Variants in ACSBG2 observed in about 807,000 individuals in gnomAD.
ACSBG2 encodes acyl-CoA synthetase bubblegum family member 2.
ACSBG2 carries 62 observed loss-of-function variants against 74.7 expected under a neutral mutation model. That is an observed-to-expected ratio of 0.83 (90% CI 0.68 to 1.03). The LOEUF (loss-of-function observed/expected upper bound fraction) is 1.03. ACSBG2 is among the 50% of genes least tolerant of loss of function. The pLI is 0.00. For missense variants in ACSBG2, 730 were observed against 817.6 expected, an observed-to-expected ratio of 0.89 and a Z score of 1.31; for synonymous variants, 309 against 294.1, an observed-to-expected ratio of 1.05 and a Z score of -0.52.
intron 6 of ACSBG2, among the ~76,000 whole-genome samples, chr19:6,163,124 T>TACA (rs762201224): frequency 1.7e-3 from 39 of 22,906 alleles, no homozygotes; most frequent in African/African-American, 4.9e-3. Context: ...AAAATACAAA[T>TACA]AATAATAATA....
Position 6,141,027 on chromosome 19 carries a change from G to T in ACSBG2, c.-31-486G>T, listed in dbSNP as rs112436842. 2.6e-5 allele frequency among the ~76,000 whole-genome samples: 4 copies of T among 152,132 alleles called. 1 individual carries two copies. The highest frequency in any genetic ancestry group is 2.1e-4 in the South Asian group (1 of 4,830). ...GAAATCAAGCTTTTATACTTTGGAT[G>T]TATTGTCCACATCTTTCCCCAATTT... On this transcript the variant is annotated intron_variant, in intron 1 of 14. Transcript: ENST00000588485.
intron 7 of ACSBG2, among the ~76,000 whole-genome samples, chr19:6,173,034 C>A (rs548139870): frequency 3.9e-5 from 6 of 152,232 alleles, no homozygotes; most frequent in Admixed American, 6.5e-5. Context: ...TGGGAAATGA[C>A]CCCTTCTCCA....
chr19:6,141,677 A>G, intron 2 of ACSBG2, 67 bp downstream of exon 2: 1 of 1,056,480 alleles, frequency 9.5e-7, no homozygotes, highest in Non-Finnish European at 1.5e-6. Flanking sequence ...CTCTTTGCAG[A>G]GGAGTCTGGA....
intron 6 of ACSBG2, 44 bp downstream of exon 6, chr19:6,161,339 C>T: frequency 2.2e-5 from 35 of 1,583,668 alleles, no homozygotes; most frequent in Non-Finnish European, 3.0e-5. Flanking sequence ...AGGGCGGGGC[C>T]TTGCAAGAAA....
intron 13 of ACSBG2, 90 bp downstream of exon 13, chr19:6,187,935 G>C: frequency 6.5e-7 from 1 of 1,540,250 alleles, no homozygotes; most frequent in African/African-American, 1.4e-5. Flanking sequence ...CTGAAGGTCA[G>C]AGGGTCTATG....
At chr19:6,138,606 A>AGGG (rs2088681233) in intron 1 of ACSBG2, among the ~76,000 whole-genome samples, 1 of 125,644 alleles carries the variant, frequency 8.0e-6, no homozygotes, top group East Asian at 2.3e-4. Flanking sequence ...GAGAGGGAGG[A>AGGG]AGGAAGGAAG....
At chr19:6,156,659 T>C in intron 5 of ACSBG2, 108 bp downstream of exon 5, 1 of 1,253,812 alleles carries the variant, frequency 8.0e-7, no homozygotes, top group Non-Finnish European at 1.1e-6. Context: ...GATAGGGCCA[T>C]GCATCTGTTC....
chr19:6,168,019 G>A (rs2089861267), intron 7 of ACSBG2, among the ~76,000 whole-genome samples: 2 of 144,038 alleles, frequency 1.4e-5, no homozygotes, highest in Admixed American at 7.1e-5. Context: ...ACCAGAGAGT[G>A]CCTGTGAGCA....
chr19:6,153,535 G>A (rs991367942), intron 4 of ACSBG2, among the ~76,000 whole-genome samples: 11 of 151,962 alleles, frequency 7.2e-5, no homozygotes, highest in Non-Finnish European at 4.4e-5. Flanking sequence ...CAGCAGCCAC[G>A]GCCATGACAA....
chr19:6,137,798 C>CTG (rs2088642040), intron 1 of ACSBG2, among the ~76,000 whole-genome samples: 1 of 151,990 alleles, frequency 6.6e-6, no homozygotes, highest in African/African-American at 2.4e-5. Context: ...CAGGTGCCTG[C>CTG]CGCCGTGCCT....
At chr19:6,170,542 G>T (rs909197809) in intron 7 of ACSBG2, among the ~76,000 whole-genome samples, 7 of 152,252 alleles carry the variant, frequency 4.6e-5, no homozygotes, top group Middle Eastern at 3.4e-3. Context: ...CCATGTATTT[G>T]TGTGGTTTTG....
chr19:6,167,616 G>A (rs563235650), intron 7 of ACSBG2, among the ~76,000 whole-genome samples: 63 of 152,188 alleles, frequency 4.1e-4, no homozygotes, highest in African/African-American at 1.5e-3. Flanking sequence ...TTAGCTCAAG[G>A]CCTCTTAGAA....
chr19:6,192,807 C>A lies in ACSBG2; in HGVS notation c.*175C>A, dbSNP rs2278424. ...GTTGGAGAGGTGCTCCCTAGAAGAACCTGCCATACGTTTCAAAGCAATAAA... is the reference window on the plus strand; with the variant it reads ...GTTGGAGAGGTGCTCCCTAGAAGAAACTGCCATACGTTTCAAAGCAATAAA... On this transcript the variant is annotated 3_prime_UTR_variant, in exon 15 of 15. Coordinates refer to ENST00000588485, the MANE Select transcript of ACSBG2 (RefSeq NM_030924.5). 6.6e-6 allele frequency: 1 copy of A among 152,086 alleles called. No individual in the cohort carries two copies. Among genetic ancestry groups the A allele is most frequent in the Non-Finnish European group, 1.5e-5 (1 of 68,026 alleles). The allele number at this position is 152,086 out of a possible 1,614,324, so 9.4% of individuals were successfully genotyped here. A position where few individuals can be genotyped will look rare whatever the true frequency, so the allele number is the denominator to read the frequency against.
chr19:6,190,909 C>G lies in ACSBG2; in HGVS notation c.*35+217C>G, dbSNP rs2090548353. ...TTCAACTCATGCTGTCTCTACTCTACCAGGGTCATGGTAGGGTGTGTAAAC... is the reference window on the plus strand; with the variant it reads ...TTCAACTCATGCTGTCTCTACTCTAGCAGGGTCATGGTAGGGTGTGTAAAC... On this transcript the variant is annotated intron_variant, in intron 14 of 14. Coordinates refer to ENST00000588485, the MANE Select transcript of ACSBG2 (RefSeq NM_030924.5). 9.8e-6 allele frequency: 4 copies of G among 409,856 alleles called. No homozygotes were observed. In the East Asian group the frequency reaches 1.7e-4, roughly 18 times the overall value. 25.4% of individuals were successfully genotyped at this position (409,856 alleles called of 1,614,324 possible).
chr19:6,164,060 G>A (rs1568235445), intron 6 of ACSBG2, among the ~76,000 whole-genome samples: 2 of 152,252 alleles, frequency 1.3e-5, no homozygotes, highest in Non-Finnish European at 2.9e-5. Context: ...GGCCGAGTAA[G>A]ACAATGAACT....
Position 6,183,025 on chromosome 19 carries a change from A to G in ACSBG2, c.1089-14A>G. 1 of 1,613,902 alleles carries G rather than the reference A, an allele frequency of 6.2e-7. No homozygotes were observed. The highest frequency in any genetic ancestry group is 8.5e-7 in the Non-Finnish European group (1 of 1,179,798). On this transcript the variant is annotated splice_polypyrimidine_tract_variant and intron_variant, in intron 9 of 14. Coordinates refer to ENST00000588485, the MANE Select transcript of ACSBG2 (RefSeq NM_030924.5). ...CATCAGCCCTTCTCCACTTGACGGC[A>G]TTCTTATTCACAGGAAATATAATAC...
chr19:6,185,662 G>A lies in ACSBG2; in HGVS notation c.1540+9G>A. On this transcript the variant is annotated intron_variant, in intron 11 of 14. Transcript: ENST00000588485. ...CACCGGCCACATCAAAGGTACCAGG[G>A]GCTGAGCTCTTTGGGAATCTCCTGC... 6.2e-7 allele frequency: 1 copy of A among 1,613,760 alleles called. No homozygotes were observed. Among genetic ancestry groups the A allele is most frequent in the Non-Finnish European group, 8.5e-7 (1 of 1,179,846 alleles).
intron 13 of ACSBG2, 25 bp downstream of exon 13, chr19:6,187,870 C>T (rs1224940896): frequency 6.2e-7 from 1 of 1,610,342 alleles, no homozygotes; most frequent in Non-Finnish European, 8.5e-7. Context: ...CATTTGGAGG[C>T]TGGTCCCTTG....
chr19:6,182,954 C>T lies in ACSBG2; in HGVS notation c.1088+22C>T, dbSNP rs764236474. On this transcript the variant is annotated intron_variant, in intron 9 of 14. Transcript: ENST00000588485. ...TGGGGTAGGTGGAGCATCCAGAGGG[C>T]TGGGAGGGTAGTTGGTGAGGAGGCT... The T allele has an allele frequency of 5.6e-6, 9 of 1,612,890 alleles. No individual in the cohort carries two copies. In the East Asian group the frequency reaches 2.0e-4, roughly 36 times the overall value.
Sources: allele counts gnomAD v4.1 joint callset (sites outside exome capture counted in the v4.1 genomes callset), GRCh38; gene constraint gnomAD v4.1.1; transcripts MANE v1.5; gene names NCBI Gene and HGNC (gene_info 2026-07-23, HGNC 2026-07-21).